Variants in STARD9 observed in about 807,000 individuals in gnomAD.
STARD9 encodes the protein stAR-related lipid transfer protein 9.
A neutral mutation model predicts 399.8 loss-of-function variants in STARD9; 346 were observed. The ratio of observed to expected loss-of-function variants is 0.87; its 90% CI spans 0.79 to 0.95. The LOEUF is 0.95. Among genes scored for constraint, STARD9 ranks in the 40% least tolerant of loss-of-function variants. STARD9 has a pLI of 0.00. For missense variants in STARD9, 5,832 were observed against 5,667.5 expected (o/e 1.03, Z -0.93); for synonymous variants, 2,203 against 2,143.5 (o/e 1.03, Z -0.77).
chr15:42,679,238 A>G (rs1284739264), intron 20 of STARD9, among the ~76,000 whole-genome samples: 1 of 152,246 alleles, frequency 6.6e-6, no homozygotes, highest in Admixed American at 6.5e-5. Flanking sequence ...TGGAGCAGTA[A>G]TACAAGCATG....
intron 9 of STARD9, among the ~76,000 whole-genome samples, chr15:42,653,477 A>T (rs2059804725): frequency 6.6e-6 from 1 of 152,256 alleles, no homozygotes; most frequent in Admixed American, 6.5e-5. Context: ...ACACCTAGAC[A>T]CATCATAGTT....
At chr15:42,590,232 G>T (rs891294784) in intron 3 of STARD9, among the ~76,000 whole-genome samples, 7 of 151,828 alleles carry the variant, frequency 4.6e-5, no homozygotes, top group Non-Finnish European at 1.0e-4. Flanking sequence ...CAAAGTGCTG[G>T]GATTACAGGT....
chr15:42,707,778 TACAC>T (rs1190378115), intron 26 of STARD9, among the ~76,000 whole-genome samples: 3 of 152,152 alleles, frequency 2.0e-5, no homozygotes, highest in African/African-American at 7.2e-5. Flanking sequence ...AAATACAACA[TACAC>T]AACAATCACT....
At chr15:42,649,860 G>A (rs1566903507) in intron 7 of STARD9, among the ~76,000 whole-genome samples, 1 of 142,402 alleles carries the variant, frequency 7.0e-6, no homozygotes, top group African/African-American at 2.7e-5. Flanking sequence ...ACCGAGCCTG[G>A]CCTTTTTTTT....
chr15:42,643,354 G>A lies in STARD9; in HGVS notation c.559+4542G>A, dbSNP rs540545255. ...TGGGATTACAGGCACACACCACCAT[G>A]CCTGGCTAATTTTGGATTTTTAGTA... is the stretch of plus-strand genomic sequence containing the variant. On this transcript the variant is annotated intron_variant, in intron 7 of 32. Coordinates refer to ENST00000290607, the MANE Select transcript of STARD9 (RefSeq NM_020759.3). Among the ~76,000 whole-genome samples the A allele has an allele frequency of 9.9e-5, 15 of 152,038 alleles. 1 individual carries two copies. The highest frequency in any genetic ancestry group is 1.9e-4 in the Non-Finnish European group (13 of 68,020).
intron 20 of STARD9, 43 bp downstream of exon 20, chr15:42,676,018 C>T (rs2060304546): frequency 1.5e-5 from 12 of 780,548 alleles, no homozygotes; most frequent in East Asian, 5.0e-5. Context: ...CTACTGGGTT[C>T]GCTTCTTAGT....
intron 22 of STARD9, among the ~76,000 whole-genome samples, chr15:42,683,489 A>G (rs146377113): frequency 6.5e-4 from 99 of 152,330 alleles, no homozygotes; most frequent in Admixed American, 5.1e-3. Flanking sequence ...TGTAACCACA[A>G]TGTTATTGTG....
In STARD9 at chr15:42,685,537, C is replaced by T; in HGVS notation, c.3959C>T (p.Ser1320Phe). ...CCAAGCTACTCTGAACAAGCCGACT[C>T]TCTCCAAGGCATGCAGCTTTCAAGA... ...VEPSYSEQADSLQGMQLSRES... is the reference protein window; with the variant it reads ...VEPSYSEQADFLQGMQLSRES... The change falls in exon 23 of 33, where the codon TCT becomes TTT. Residue 1320 changes from serine (S) to phenylalanine (F), a missense_variant. Ser to Phe is a radical substitution (Grantham distance 155, BLOSUM62 -2). Transcript: ENST00000290607. The T allele has an allele frequency of 3.9e-6, 6 of 1,537,676 alleles. No homozygotes were observed. Among genetic ancestry groups the T allele is most frequent in the Non-Finnish European group, 5.2e-6 (6 of 1,147,012 alleles).
intron 7 of STARD9, among the ~76,000 whole-genome samples, chr15:42,648,108 G>A (rs1263526320): frequency 6.6e-6 from 1 of 152,104 alleles, no homozygotes; most frequent in Non-Finnish European, 1.5e-5. Flanking sequence ...TCTACTTCAA[G>A]AATAATCTTG....
At position 42,687,171 on chromosome 15, in the gene STARD9, G is replaced by A; in HGVS notation, c.5593G>A (p.Val1865Ile). 6.5e-7 allele frequency: 1 copy of A among 1,537,346 alleles called. No individual in the cohort carries two copies. The highest frequency in any genetic ancestry group is 8.7e-7 in the Non-Finnish European group (1 of 1,146,930). Residue 1865 changes from valine to isoleucine, a missense_variant, in exon 23 of 33, where the codon GTA becomes ATA. Physicochemically the swap from Val to Ile is conservative, Grantham distance 29 (BLOSUM62 3). Coordinates refer to ENST00000290607, the MANE Select transcript of STARD9 (RefSeq NM_020759.3). ...TTTTCTCCCCTCTACCAGCACAAAA[G>A]TATGTGAATTTGAAAACCAAGTTGT... ...RHFLPSTSTK[V>I]CEFENQVVIL...
At position 42,682,191 on chromosome 15, in the gene STARD9, A is replaced by G. The variant is rs1437048703; in HGVS notation, c.2153A>G (p.Glu718Gly). 1 of 1,537,246 alleles carries G rather than the reference A, an allele frequency of 6.5e-7. No homozygotes were observed. The highest frequency in any genetic ancestry group is 2.4e-5 in the East Asian group (1 of 40,912). ...QEDQVAEKELEASVALDAWLQ... is the reference protein window; with the variant it reads ...QEDQVAEKELGASVALDAWLQ... ...GACCAGGTAGCAGAGAAAGAACTTG[A>G]GGCATCTGTGGCACTTGATGCTTGG... is the stretch of plus-strand genomic sequence containing the variant. The change falls in exon 22 of 33, where the codon GAG becomes GGG. Residue 718 changes from glutamate (E) to glycine (G), a missense_variant. Transcript: ENST00000290607.
At chr15:42,580,201 CAG>C (rs1286238205) in intron 1 of STARD9, among the ~76,000 whole-genome samples, 1 of 152,258 alleles carries the variant, frequency 6.6e-6, no homozygotes, top group African/African-American at 2.4e-5. Flanking sequence ...GACCTCAAAA[CAG>C]TGTCACAGGG....
chr15:42,718,847 C>G lies in STARD9; in HGVS notation c.13938C>G (p.Ala4646=), dbSNP rs2061399348. ...KMVRGEILPS[A]WILQPITVEG... Reference sequence around the variant, plus strand: ...TTCGCGGGGAGATCCTGCCCAGTGCCTGGATCTTGCAGCCCATCACTGTGG... The same window carrying G: ...TTCGCGGGGAGATCCTGCCCAGTGCGTGGATCTTGCAGCCCATCACTGTGG... The change falls in exon 32 of 33, where the codon GCC becomes GCG. Residue 4646 remains alanine (A), a synonymous_variant. Transcript: ENST00000290607. 2 of 1,537,232 alleles carry G rather than the reference C, an allele frequency of 1.3e-6. No homozygotes were observed. Among genetic ancestry groups the G allele is most frequent in the African/African-American group, 2.7e-5 (2 of 73,170 alleles).
Position 42,695,253 on chromosome 15 carries a change from A to T in STARD9, c.13076A>T (p.Asp4359Val). The change falls in exon 25 of 33, where the codon GAC (aspartate) becomes GTC (valine). Residue 4359 changes from aspartate to valine, a missense_variant. By Grantham distance (152) the Asp-to-Val change is radical. This residue lies in a region of STARD9 where 5,828 missense variants were observed against 5,651.1 expected (regional missense o/e 1.03). Transcript: ENST00000290607. ...EAKVEIARARDQLRERTEQEK... is the reference protein window; with the variant it reads ...EAKVEIARARVQLRERTEQEK... ...AAGGTGGAGATTGCCCGGGCCCGAG[A>T]CCAACTGCGGGAGCGGACTGAACAA... The T allele has an allele frequency of 6.5e-7, 1 of 1,537,166 alleles. No homozygotes were observed. The highest frequency in any genetic ancestry group is 8.7e-7 in the Non-Finnish European group (1 of 1,146,878).
Position 42,716,976 on chromosome 15 carries a change from C to T in STARD9, c.13422C>T (p.Ser4474=), listed in dbSNP as rs1237610721. 44 of 1,537,104 alleles carry T rather than the reference C, an allele frequency of 2.9e-5. No individual in the cohort carries two copies. The highest frequency in any genetic ancestry group is 3.7e-5 in the Non-Finnish European group (43 of 1,146,892). ...GSCCCSPSSL[S]SLGTCFSSSY... is the part of the protein sequence containing the mutation. ...GCTGCTGTTCACCATCCAGTCTGTC[C>T]AGCTTGGGGACCTGCTTTTCCTCCT... Residue 4474 remains serine (S), a synonymous_variant, in exon 28 of 33, where the codon TCC becomes TCT. Coordinates refer to ENST00000290607, the MANE Select transcript of STARD9 (RefSeq NM_020759.3).
intron 1 of STARD9, among the ~76,000 whole-genome samples, chr15:42,578,218 C>T (rs2058096796): frequency 1.3e-5 from 2 of 151,722 alleles, no homozygotes; most frequent in Non-Finnish European, 2.9e-5. Context: ...TCAAGCGATT[C>T]TCCTGCCCCA....
chr15:42,647,786 T>G lies in STARD9; in HGVS notation c.560-3230T>G, dbSNP rs1177367024. Among the ~76,000 whole-genome samples the G allele has an allele frequency of 5.8e-4, 88 of 152,234 alleles. 1 individual carries two copies. Among genetic ancestry groups the G allele is most frequent in the Non-Finnish European group, 4.4e-5 (3 of 68,042 alleles). Reference sequence around the variant, plus strand: ...TGTTATTTTGTGTTTTCTCTTTACTTTTCCTGTTTTATGTTCCTTTTTCGT... The same window carrying G: ...TGTTATTTTGTGTTTTCTCTTTACTGTTCCTGTTTTATGTTCCTTTTTCGT... On this transcript the variant is annotated intron_variant, in intron 7 of 32. Transcript: ENST00000290607.
chr15:42,717,097 T>TG, intron 28 of STARD9, 49 bp downstream of exon 28: 1 of 1,526,100 alleles, frequency 6.6e-7, no homozygotes, highest in Non-Finnish European at 8.8e-7. Context: ...CCCAGACCTC[T>TG]GCTGGGTGTG....
At chr15:42,718,213 T>C in intron 30 of STARD9, 34 bp downstream of exon 30, 1 of 1,521,684 alleles carries the variant, frequency 6.6e-7, no homozygotes. Context: ...CCATGGGGCC[T>C]AGTTTCTGGT....
Sources: gnomAD v4.1 joint callset for allele counts (sites outside exome capture counted in the v4.1 genomes callset) on GRCh38, gnomAD v4.1.1 for gene constraint, gnomAD v4.1.1 regional missense constraint, MANE v1.5 for transcripts, NCBI Gene and HGNC (gene_info 2026-07-23, HGNC 2026-07-21) for gene names.